Variants in OPCML observed in about 807,000 individuals in gnomAD.
OPCML encodes the protein opioid-binding protein/cell adhesion molecule.
In OPCML, 13 loss-of-function variants were observed where a neutral mutation model predicts 37.8. The observed-to-expected ratio is 0.34, with a 90% CI of 0.22 to 0.55. The LOEUF (loss-of-function observed/expected upper bound fraction) is 0.55, where lower values mean the gene tolerates loss of function less well. Among genes scored for constraint, OPCML ranks in the 20% least tolerant of loss-of-function variants. The pLI, the probability that OPCML is intolerant of heterozygous loss-of-function variation, is 0.91. For missense variants in OPCML, 341 were observed against 435.6 expected (o/e 0.78, Z 1.93); for synonymous variants, 176 against 168.8 (o/e 1.04, Z -0.33).
At position 132,520,674 on chromosome 11, in the gene OPCML, A is replaced by ATATATGTGTGTG. The variant is rs10630619; in HGVS notation, c.505+8386_505+8387insCACACACATATA. On this transcript the variant is annotated intron_variant, in intron 4 of 7. Coordinates refer to ENST00000524381, the MANE Select transcript of OPCML (RefSeq NM_001012393.5). ...TGTCATCTTATGTAACTAAATATAT[A>ATATATGTGTGTG]TGTGTGTGTGTGTGTGTGTGTGTGT... Among the ~76,000 whole-genome samples, 33 of 128,098 alleles carry ATATATGTGTGTG rather than the reference A, an allele frequency of 2.6e-4. 1 individual carries two copies. Among genetic ancestry groups the ATATATGTGTGTG allele is most frequent in the Non-Finnish European group, 3.7e-4 (22 of 59,274 alleles). 84.0% of individuals were successfully genotyped at this position (128,098 alleles called of 152,430 possible). A position where few individuals can be genotyped will look rare whatever the true frequency, so the allele number is the denominator to read the frequency against.
At chr11:133,529,354 AC>A (rs1948555400) in intron 1 of OPCML, among the ~76,000 whole-genome samples, 1 of 152,182 alleles carries the variant, frequency 6.6e-6, no homozygotes, top group African/African-American at 2.4e-5. Flanking sequence ...CAAGAAGGCC[AC>A]CAGCCCAGAC....
At chr11:133,286,350 G>C (rs1254798062) in intron 1 of OPCML, among the ~76,000 whole-genome samples, 1 of 151,650 alleles carries the variant, frequency 6.6e-6, no homozygotes, top group Non-Finnish European at 1.5e-5. Flanking sequence ...GGCGCCTATA[G>C]TCCCAGCTAC....
At chr11:132,515,394 A>G (rs1299903014) in intron 4 of OPCML, among the ~76,000 whole-genome samples, 2 of 152,166 alleles carry the variant, frequency 1.3e-5, no homozygotes, top group African/African-American at 4.8e-5. Context: ...GGAGGGAAAT[A>G]GGGTAGGGAG....
chr11:132,733,182 A>G (rs1461402117), intron 2 of OPCML, among the ~76,000 whole-genome samples: 1 of 152,170 alleles, frequency 6.6e-6, no homozygotes, highest in Non-Finnish European at 1.5e-5. Context: ...ACTGAGAAAG[A>G]AAACAGAAGC....
intron 1 of OPCML, among the ~76,000 whole-genome samples, chr11:133,215,401 C>A (rs531987885): frequency 6.6e-6 from 1 of 152,214 alleles, no homozygotes; most frequent in Non-Finnish European, 1.5e-5. Flanking sequence ...TCATTCCTTG[C>A]CCTCTCGGGC....
In OPCML at chr11:132,970,402, C is replaced by A. The variant is rs111700242; in HGVS notation, c.62-27392G>T. On this transcript the variant is annotated intron_variant, in intron 1 of 7. Coordinates refer to ENST00000524381, the MANE Select transcript of OPCML (RefSeq NM_001012393.5). ...GGAGAGAAATATTAGGACAAAAAAA[C>A]CCCAGCTTTTCCTTAATTTAAAAGA... 4.3e-3 allele frequency among the ~76,000 whole-genome samples: 650 copies of A among 152,072 alleles called. 2 individuals are homozygous for A. The highest frequency in any genetic ancestry group is 0.014 in the African/African-American group (581 of 41,472).
chr11:132,461,474 C>G (rs560762775), intron 4 of OPCML, among the ~76,000 whole-genome samples: 42 of 152,272 alleles, frequency 2.8e-4, no homozygotes, highest in South Asian at 2.1e-3. Flanking sequence ...CTTCCCCATA[C>G]CTGACGCTAT....
chr11:132,979,940 G>A (rs1224661101), intron 1 of OPCML, among the ~76,000 whole-genome samples: 1 of 152,166 alleles, frequency 6.6e-6, no homozygotes, highest in African/African-American at 2.4e-5. Flanking sequence ...TGAGCCATTT[G>A]GTCAAATATC....
intron 3 of OPCML, among the ~76,000 whole-genome samples, chr11:132,575,369 G>A (rs527486091): frequency 6.6e-6 from 1 of 151,710 alleles, no homozygotes; most frequent in African/African-American, 2.4e-5. Flanking sequence ...ATTTATTTTT[G>A]TACTGATATG....
At chr11:132,936,098 T>C (rs1017896714) in intron 2 of OPCML, among the ~76,000 whole-genome samples, 8 of 152,148 alleles carry the variant, frequency 5.3e-5, no homozygotes, top group African/African-American at 1.7e-4. Context: ...TGGGCTTCAC[T>C]TGAGTGCGGG....
intron 2 of OPCML, among the ~76,000 whole-genome samples, chr11:132,697,872 C>A (rs1404681677): frequency 6.6e-6 from 1 of 151,952 alleles, no homozygotes; most frequent in Non-Finnish European, 1.5e-5. Context: ...CTCAAGTAAT[C>A]CTCTCACCTT....
At chr11:132,632,926 TAATG>T (rs1285778955) in intron 3 of OPCML, among the ~76,000 whole-genome samples, 1 of 147,520 alleles carries the variant, frequency 6.8e-6, no homozygotes, top group African/African-American at 2.5e-5. Context: ...AATACCTAAC[TAATG>T]ATGTTCTCAC....
At chr11:132,952,611 T>C (rs992791844) in intron 1 of OPCML, among the ~76,000 whole-genome samples, 1 of 152,174 alleles carries the variant, frequency 6.6e-6, no homozygotes, top group South Asian at 2.1e-4. Flanking sequence ...CTTTTCAACC[T>C]AGAATGCATC....
At chr11:133,376,223 A>G (rs1460803730) in intron 1 of OPCML, among the ~76,000 whole-genome samples, 3 of 152,230 alleles carry the variant, frequency 2.0e-5, no homozygotes, top group African/African-American at 7.2e-5. Flanking sequence ...TGTAATAAAC[A>G]ATACCTAAAT....
chr11:133,093,199 T>C (rs1237256571), intron 1 of OPCML, among the ~76,000 whole-genome samples: 1 of 152,100 alleles, frequency 6.6e-6, no homozygotes, highest in African/African-American at 2.4e-5. Flanking sequence ...GTACCCAATG[T>C]GTAGTCTTTT....
At chr11:132,711,322 AC>A (rs1359105817) in intron 2 of OPCML, among the ~76,000 whole-genome samples, 1 of 152,184 alleles carries the variant, frequency 6.6e-6, no homozygotes, top group Non-Finnish European at 1.5e-5. Context: ...AATGGAAATA[AC>A]CCAAAAGAAT....
intron 1 of OPCML, among the ~76,000 whole-genome samples, chr11:132,961,348 A>T (rs1316787163): frequency 2.6e-5 from 4 of 152,184 alleles, no homozygotes. Context: ...CAGCACAAAG[A>T]TATATGTAGC....
chr11:133,500,061 G>A (rs1464105843), intron 1 of OPCML, among the ~76,000 whole-genome samples: 1 of 151,446 alleles, frequency 6.6e-6, no homozygotes, highest in Non-Finnish European at 1.5e-5. Context: ...TAGTAGAGAC[G>A]GGGTTTCACC....
chr11:133,464,154 A>G (rs961846682), intron 1 of OPCML, among the ~76,000 whole-genome samples: 1 of 152,128 alleles, frequency 6.6e-6, no homozygotes, highest in African/African-American at 2.4e-5. Flanking sequence ...CAACTTAATT[A>G]TGTCCTCCAC....
Sources: gnomAD v4.1 joint callset for allele counts (sites outside exome capture counted in the v4.1 genomes callset) on GRCh38, gnomAD v4.1.1 for gene constraint, MANE v1.5 for transcripts, NCBI Gene and HGNC (gene_info 2026-07-23, HGNC 2026-07-21) for gene names.